FAM53A: variants seen among roughly 807,000 people sequenced by gnomAD.
FAM53A encodes family with sequence similarity 53 member A.
A neutral mutation model predicts 26.6 loss-of-function variants in FAM53A; 28 were observed. That is an observed-to-expected ratio of 1.05 (90% CI 0.78 to 1.45). The LOEUF is 1.45. Ranked by LOEUF, FAM53A falls within the 40% of genes most tolerant of loss-of-function variation. The pLI is 0.00. For synonymous variants in FAM53A, 290 were observed against 253.1 expected (o/e 1.15, Z -1.38); for missense variants, 650 against 575.8 (o/e 1.13, Z -1.32).
At chr4:1,592,605 C>T in the FAM53A span, among the ~76,000 whole-genome samples, 5 of 152,182 alleles carry the variant, frequency 3.3e-5, no homozygotes, top group African/African-American at 1.2e-4. Context: ...TGCCCAGCCC[C>T]TCTCCTGGGC....
rs115079906 is a variant in FAM53A at position 1,641,376 on chromosome 4, G to A, written c.1114C>T (p.Arg372Cys). 2,771 of 1,610,568 alleles carry A rather than the reference G, an allele frequency of 1.7e-3. 2 individuals carry two copies. The highest frequency in any genetic ancestry group is 2.1e-3 in the Non-Finnish European group (2,517 of 1,179,050). Reference sequence around the variant, plus strand: ...TCCTCCCCGACACTGTCCCCATCACGGGGGTCCCCGCTGCTCCTGCGGGAG... The same window carrying A: ...TCCTCCCCGACACTGTCCCCATCACAGGGGTCCCCGCTGCTCCTGCGGGAG... ...DGSRRSSGDP[R>C]DGDSVGEEGV... The change falls in exon 5 of 5, where the codon CGT becomes TGT. Residue 372 changes from arginine (R) to cysteine (C), a missense_variant. Physicochemically the swap from Arg to Cys is radical, Grantham distance 180 (BLOSUM62 -3). Transcript: ENST00000308132.
chr4:1,595,916 A>G, the FAM53A span, among the ~76,000 whole-genome samples: 1 of 152,178 alleles, frequency 6.6e-6, no homozygotes, highest in Non-Finnish European at 1.5e-5. Context: ...GTGCTCAGTG[A>G]TGGTCCACAG....
chr4:1,625,609 G>A (rs1455667869), intron 1 of FAM53A, among the ~76,000 whole-genome samples: 9 of 86,324 alleles, frequency 1.0e-4, no homozygotes, highest in African/African-American at 2.8e-4. Flanking sequence ...CCCATGTCCC[G>A]ACCCACGTGG....
At chr4:1,684,534 A>T (rs1322415074), upstream of FAM53A, among the ~76,000 whole-genome samples, 1 of 150,764 alleles carries the variant, frequency 6.6e-6, no homozygotes, top group Non-Finnish European at 1.5e-5. Flanking sequence ...CCGCCCCCGG[A>T]TCGACGCCCC....
rs1053980088 is a variant in FAM53A at position 1,630,851 on chromosome 4, G to A, written c.432-12740C>T. ...AGAGGCGGTGTCTGCACCATCTCAC[G>A]AATGTACTAAATGCCAGTTAACTGA... On this transcript the variant is annotated intron_variant, in intron 1 of 1. Transcript: ENST00000489029. The surrounding 1 kb of genome is among the most constrained non-coding windows in gnomAD (Gnocchi z 4.3). 1.3e-5 allele frequency among the ~76,000 whole-genome samples: 2 copies of A among 152,174 alleles called. No homozygotes were observed. Among genetic ancestry groups the A allele is most frequent in the South Asian group, 2.1e-4 (1 of 4,828 alleles).
the FAM53A span, among the ~76,000 whole-genome samples, chr4:1,576,386 G>A: frequency 6.6e-5 from 10 of 152,234 alleles, no homozygotes; most frequent in Non-Finnish European, 7.3e-5. Context: ...CCATAACCGT[G>A]ATTTGAGGGG....
At chr4:1,650,769 T>C (rs1389868630) in intron 4 of FAM53A, among the ~76,000 whole-genome samples, 1 of 151,046 alleles carries the variant, frequency 6.6e-6, no homozygotes, top group African/African-American at 2.4e-5. Context: ...GTGCTGGGAT[T>C]ACAGGCGTGA....
chr4:1,639,320 T>C (rs1267124811), downstream of FAM53A, among the ~76,000 whole-genome samples: 2 of 152,240 alleles, frequency 1.3e-5, no homozygotes, highest in Non-Finnish European at 2.9e-5. Context: ...CAGGTGACTG[T>C]GGCTTTTGCT....
At chr4:1,660,025 G>A (rs79285329) in intron 2 of FAM53A, among the ~76,000 whole-genome samples, 13,551 of 151,984 alleles carry the variant, frequency 0.089, 1,779 homozygotes, top group African/African-American at 0.28. Context: ...GGCTGGGCAC[G>A]GGGGCACACA....
downstream of FAM53A, among the ~76,000 whole-genome samples, chr4:1,636,143 G>A (rs1300906214): frequency 3.9e-5 from 6 of 152,124 alleles, no homozygotes; most frequent in Non-Finnish European, 7.4e-5. Context: ...CGCCACGCCC[G>A]GCCATGATAC....
the FAM53A span, among the ~76,000 whole-genome samples, chr4:1,605,744 G>A: frequency 1.3e-5 from 2 of 152,128 alleles, no homozygotes; most frequent in Non-Finnish European, 2.9e-5. This position sits in a 1 kb window ranked among gnomAD's most constrained non-coding sequence, Gnocchi z 5.7. Context: ...TGCAGGCACC[G>A]CCCGCAGCAG....
chr4:1,667,650 A>G (rs922481810), intron 2 of FAM53A, among the ~76,000 whole-genome samples: 9 of 152,020 alleles, frequency 5.9e-5, no homozygotes, highest in Non-Finnish European at 1.2e-4. Context: ...GATGGGTCAC[A>G]CGTGCCCAGT....
intron 4 of FAM53A, among the ~76,000 whole-genome samples, chr4:1,642,513 C>A (rs762878476): frequency 2.0e-5 from 3 of 152,158 alleles, no homozygotes; most frequent in African/African-American, 7.2e-5. Flanking sequence ...GCTGCACCCC[C>A]CAACCAGAGC....
chr4:1,652,620 C>G (rs2108885606), intron 4 of FAM53A, among the ~76,000 whole-genome samples: 1 of 148,978 alleles, frequency 6.7e-6, no homozygotes, highest in East Asian at 2.0e-4. Flanking sequence ...ACCACACACA[C>G]ACACACCAGA....
chr4:1,655,669 G>A lies in FAM53A; in HGVS notation c.191C>T (p.Ala64Val), dbSNP rs1169138479. The change falls in exon 4 of 5, where the codon GCC becomes GTC. Residue 64 changes from alanine to valine, a missense_variant. Transcript: ENST00000308132. ...SGGPPVRSQA[A>V]TGPDFSFLPG... ...CAGGAAGGAGAAATCAGGGCCCGTGGCTGCCTGGCTTCTGACGGGCGGTCC... is the reference window on the plus strand; with the variant it reads ...CAGGAAGGAGAAATCAGGGCCCGTGACTGCCTGGCTTCTGACGGGCGGTCC... The A allele has an allele frequency of 1.9e-6, 3 of 1,595,318 alleles. No homozygotes were observed. The highest frequency in any genetic ancestry group is 1.1e-5 in the South Asian group (1 of 89,250).
the FAM53A span, among the ~76,000 whole-genome samples, chr4:1,595,677 C>T: frequency 5.8e-4 from 89 of 152,256 alleles, no homozygotes; most frequent in Non-Finnish European, 1.1e-3. Context: ...TACCCAGCAC[C>T]GCGGGAAGCG....
chr4:1,582,214 A>G, the FAM53A span, among the ~76,000 whole-genome samples: 1 of 152,224 alleles, frequency 6.6e-6, no homozygotes, highest in Non-Finnish European at 1.5e-5. Flanking sequence ...CTGATATGAT[A>G]AGAAGGGTCC....
chr4:1,653,930 C>T (rs1044475087), intron 4 of FAM53A, among the ~76,000 whole-genome samples: 1 of 152,208 alleles, frequency 6.6e-6, no homozygotes, highest in African/African-American at 2.4e-5. Flanking sequence ...ATGCCCAGGC[C>T]CAGCCCACCC....
At chr4:1,613,099 A>AAACAGAG (rs1237586362), downstream of FAM53A, among the ~76,000 whole-genome samples, 1 of 152,222 alleles carries the variant, frequency 6.6e-6, no homozygotes, top group Non-Finnish European at 1.5e-5. Context: ...CTACTCGGGA[A>AAACAGAG]AACAGAGAAC....
Sources: gnomAD v4.1 joint callset for allele counts (sites outside exome capture counted in the v4.1 genomes callset) on GRCh38, gnomAD v4.1.1 for gene constraint, Gnocchi (gnomAD v3.1) non-coding constraint, MANE v1.5 for transcripts, NCBI Gene and HGNC (gene_info 2026-07-23, HGNC 2026-07-21) for gene names.